The following PRICKLE2 variants were observed in gnomAD, a reference collection of about 807,000 sequenced individuals.
PRICKLE2 encodes the protein prickle planar cell polarity protein 2, also known as prickle-like protein 2.
PRICKLE2 carries 21 observed loss-of-function variants against 81.4 expected under a neutral mutation model. The observed-to-expected ratio is 0.26, with a 90% CI of 0.18 to 0.37. The LOEUF (loss-of-function observed/expected upper bound fraction) is 0.37. Ranked by LOEUF, PRICKLE2 falls within the 10% of genes least tolerant of loss-of-function variation. PRICKLE2 has a pLI of 1.00. For synonymous variants in PRICKLE2, 456 were observed against 421.5 expected (o/e 1.08, Z -1.00); for missense variants, 940 against 1,109.0 (o/e 0.85, Z 2.16).
chr3:64,094,942 G>T lies in PRICKLE2; in HGVS notation c.*4109C>A, dbSNP rs886058784. 6.6e-6 allele frequency: 1 copy of T among 152,660 alleles called. No individual in the cohort carries two copies. The highest frequency in any genetic ancestry group is 6.5e-5 in the Admixed American group (1 of 15,282). 9.5% of individuals were successfully genotyped at this position (152,660 alleles called of 1,614,324 possible). ...ACAGTTGCTAATAGCAACTGTCCTG[G>T]CATGAAGTATTCAGATAACTGGTTC... is the stretch of plus-strand genomic sequence containing the variant. On this transcript the variant is annotated 3_prime_UTR_variant, in exon 8 of 8. Coordinates refer to ENST00000638394, the MANE Select transcript of PRICKLE2 (RefSeq NM_198859.4).
rs570273350 is a variant in PRICKLE2 at position 64,164,711 on chromosome 3, A to G, written c.145-1582T>C. ...GATTTCCAAAGGCAGGGTCTGTATA[A>G]GCCCCTCCCTATAGGCAGCTGGCAG... On this transcript the variant is annotated intron_variant, in intron 2 of 7. Coordinates refer to ENST00000638394, the MANE Select transcript of PRICKLE2 (RefSeq NM_198859.4). Among the ~76,000 whole-genome samples the G allele has an allele frequency of 3.9e-5, 6 of 152,342 alleles. No homozygotes were observed. The East Asian group carries it at 1.2e-3, about 29-fold the overall frequency.
At chr3:64,170,140 C>G (rs2077905121) in intron 2 of PRICKLE2, among the ~76,000 whole-genome samples, 1 of 152,048 alleles carries the variant, frequency 6.6e-6, no homozygotes, top group South Asian at 2.1e-4. Context: ...TCCTGGAGAC[C>G]CACATTATAA....
At chr3:64,261,226 C>A (rs1294733454) in intron 2 of PRICKLE2, among the ~76,000 whole-genome samples, 1 of 152,002 alleles carries the variant, frequency 6.6e-6, no homozygotes. Context: ...CTCTACAACC[C>A]CCAGGAAGTA....
At chr3:64,258,791 T>C (rs2107187148) in intron 2 of PRICKLE2, among the ~76,000 whole-genome samples, 1 of 126,058 alleles carries the variant, frequency 7.9e-6, no homozygotes, top group South Asian at 2.6e-4. Flanking sequence ...GCCACTGCAC[T>C]CTAGCCTGGG....
intron 7 of PRICKLE2, among the ~76,000 whole-genome samples, chr3:64,137,373 C>T (rs1296793929): frequency 6.6e-6 from 1 of 152,164 alleles, no homozygotes; most frequent in Non-Finnish European, 1.5e-5. Flanking sequence ...CGCCCCAACC[C>T]CACCACTGCT....
intron 1 of PRICKLE2, among the ~76,000 whole-genome samples, chr3:64,222,677 A>T (rs956998829): frequency 2.6e-5 from 4 of 152,170 alleles, no homozygotes; most frequent in Non-Finnish European, 5.9e-5. Context: ...GGTGGCAAAA[A>T]TTCAGCCTTG....
chr3:64,251,043 G>C (rs897176345), intron 2 of PRICKLE2, among the ~76,000 whole-genome samples: 1 of 152,066 alleles, frequency 6.6e-6, no homozygotes, highest in African/African-American at 2.4e-5. Context: ...ATCAGATCAC[G>C]AGGGCAGGGA....
chr3:64,265,367 A>G (rs2107193513), intron 2 of PRICKLE2, among the ~76,000 whole-genome samples: 1 of 152,318 alleles, frequency 6.6e-6, no homozygotes, highest in Admixed American at 6.5e-5. Flanking sequence ...TAGTAGCTAA[A>G]AAAAATCATT....
chr3:64,105,436 C>T (rs1294899000), intron 7 of PRICKLE2, among the ~76,000 whole-genome samples: 5 of 152,148 alleles, frequency 3.3e-5, no homozygotes, highest in Non-Finnish European at 7.4e-5. Context: ...ATGGAATAAA[C>T]GTAAATGGAT....
chr3:64,259,351 A>G (rs2107188179), intron 2 of PRICKLE2, among the ~76,000 whole-genome samples: 1 of 152,298 alleles, frequency 6.6e-6, no homozygotes, highest in South Asian at 2.1e-4. Context: ...GTATACAGGT[A>G]TATCCCACTA....
intron 2 of PRICKLE2, among the ~76,000 whole-genome samples, chr3:64,258,893 G>GAAAGAAAGAAAGAAAGAAAGAAAGAAAT (rs796940955): frequency 1.6e-4 from 22 of 141,048 alleles, no homozygotes; most frequent in African/African-American, 5.3e-4. Flanking sequence ...AAGAAAGAAA[G>GAAAGAAAGAAAGAAAGAAAGAAAGAAAT]AAATCAGGAG....
At chr3:64,236,442 G>C (rs1485382403) in intron 2 of PRICKLE2, among the ~76,000 whole-genome samples, 1 of 152,122 alleles carries the variant, frequency 6.6e-6, no homozygotes, top group Non-Finnish European at 1.5e-5. Context: ...AGTAACCCAA[G>C]CTAATCACAG....
chr3:64,118,181 A>G (rs900648865), intron 7 of PRICKLE2, among the ~76,000 whole-genome samples: 1 of 152,178 alleles, frequency 6.6e-6, no homozygotes, highest in Non-Finnish European at 1.5e-5. Context: ...CTCCTTCCTT[A>G]CACAAAAATT....
At chr3:64,158,816 T>C (rs2077682252) in intron 4 of PRICKLE2, among the ~76,000 whole-genome samples, 1 of 152,110 alleles carries the variant, frequency 6.6e-6, no homozygotes, top group Non-Finnish European at 1.5e-5. Flanking sequence ...CCCCATCCCA[T>C]ATAACTGAAC....
chr3:64,146,695 A>G (rs976300136), intron 7 of PRICKLE2, 135 bp downstream of exon 7: 28 of 938,540 alleles, frequency 3.0e-5, no homozygotes, highest in Non-Finnish European at 1.2e-5. Context: ...GTGAGCGGAG[A>G]TCGTGCCACT....
chr3:64,111,783 G>T (rs1198681347), intron 7 of PRICKLE2, among the ~76,000 whole-genome samples: 1 of 152,142 alleles, frequency 6.6e-6, no homozygotes, highest in African/African-American at 2.4e-5. Context: ...CGGCTGGGAG[G>T]GGGCATGAGG....
At chr3:64,249,023 A>G (rs1241141293) in intron 2 of PRICKLE2, among the ~76,000 whole-genome samples, 1 of 152,204 alleles carries the variant, frequency 6.6e-6, no homozygotes, top group African/African-American at 2.4e-5. Flanking sequence ...TTCCTATTAC[A>G]TAAAGGAAAA....
chr3:64,111,620 C>A (rs2076847984), intron 7 of PRICKLE2, among the ~76,000 whole-genome samples: 2 of 152,164 alleles, frequency 1.3e-5, no homozygotes, highest in Non-Finnish European at 2.9e-5. Flanking sequence ...GAATTACATG[C>A]AACAACATGG....
chr3:64,118,922 TTATGTC>T (rs1288468610), intron 7 of PRICKLE2, among the ~76,000 whole-genome samples: 1 of 152,102 alleles, frequency 6.6e-6, no homozygotes, highest in Non-Finnish European at 1.5e-5. Flanking sequence ...ATGCAGGTGT[TTATGTC>T]TATTGAGCAC....
Sources: allele counts gnomAD v4.1 joint callset (sites outside exome capture counted in the v4.1 genomes callset), GRCh38; gene constraint gnomAD v4.1.1; transcripts MANE v1.5; gene names NCBI Gene and HGNC (gene_info 2026-07-23, HGNC 2026-07-21).